Variants in ARCN1 observed in about 807,000 individuals in gnomAD.
ARCN1 encodes archain 1 coat protein complex I subunit delta.
ARCN1 carries 5 observed loss-of-function variants against 60.4 expected under a neutral mutation model. That is an observed-to-expected ratio of 0.08 (90% CI 0.04 to 0.17). The LOEUF (loss-of-function observed/expected upper bound fraction) is 0.17, where lower values mean the gene tolerates loss of function less well. ARCN1 is among the 10% of genes least tolerant of loss of function. The probability of loss-of-function intolerance (pLI) is 1.00; values close to 1 mark genes in which losing one functional copy is unlikely to be tolerated. For missense variants in ARCN1, 464 were observed against 626.5 expected, an observed-to-expected ratio of 0.74 and a Z score of 2.77; for synonymous variants, 224 against 220.0, an observed-to-expected ratio of 1.02 and a Z score of -0.16.
chr11:118,583,712 T>G (rs1938711157), intron 3 of ARCN1, 97 bp from the exon 4 acceptor site: 7 of 1,260,090 alleles, frequency 5.6e-6, no homozygotes, highest in African/African-American at 4.5e-5. Flanking sequence ...GAGCTGTGAT[T>G]GTGCCACTTG....
At chr11:118,591,889 C>T (rs1313283611) in intron 6 of ARCN1, among the ~76,000 whole-genome samples, 2 of 151,744 alleles carry the variant, frequency 1.3e-5, no homozygotes, top group African/African-American at 4.8e-5. Context: ...TGTGCACCAC[C>T]ACACCCAGCT....
chr11:118,588,386 A>G (rs544601156), intron 5 of ARCN1, among the ~76,000 whole-genome samples: 3 of 152,340 alleles, frequency 2.0e-5, no homozygotes, highest in African/African-American at 7.2e-5. Flanking sequence ...CCTGAGGCCT[A>G]AAGTGCCCCA....
At position 118,602,684 on chromosome 11, in the gene ARCN1, CTG is replaced by C. The variant is rs1414453727; in HGVS notation, c.*1972_*1973del. The C allele has an allele frequency of 6.5e-6, 1 of 153,726 alleles. No homozygotes were observed. Among genetic ancestry groups the C allele is most frequent in the African/African-American group, 2.4e-5 (1 of 41,424 alleles). The allele number at this position is 153,726 out of a possible 1,614,324, so 9.5% of individuals were successfully genotyped here. On this transcript the variant is annotated 3_prime_UTR_variant, in exon 10 of 10. Transcript: ENST00000264028. ...CTGAGAAGGGCTTGGGACAAGAAGT[CTG>C]TCATGTTAGTTAAGCAGGCAAGAAA...
intron 1 of ARCN1, 135 bp from the exon 2 acceptor site, chr11:118,581,111 C>A (rs927313535): frequency 1.7e-6 from 2 of 1,161,584 alleles, no homozygotes; most frequent in South Asian, 1.5e-5. Flanking sequence ...CAGAGTGAGA[C>A]CCTGTCTTAA....
intron 4 of ARCN1, 74 bp downstream of exon 4, chr11:118,584,088 T>C (rs1238196897): frequency 4.2e-6 from 6 of 1,424,826 alleles, no homozygotes; most frequent in Non-Finnish European, 4.8e-6. Context: ...TAATCTGATT[T>C]CTTGGAAAGC....
intron 7 of ARCN1, 129 bp downstream of exon 7, chr11:118,592,985 G>A (rs1004705105): frequency 2.2e-6 from 2 of 894,248 alleles, no homozygotes; most frequent in African/African-American, 3.3e-5. Flanking sequence ...TTTTGAAATG[G>A]ACCTGGTGCT....
chr11:118,578,797 C>A (rs1938581070), intron 1 of ARCN1, among the ~76,000 whole-genome samples: 1 of 150,106 alleles, frequency 6.7e-6, no homozygotes, highest in Admixed American at 6.7e-5. Context: ...AATCCCAGCA[C>A]TTTGGGAGGC....
At chr11:118,573,151 C>T (rs528815247) in intron 1 of ARCN1, among the ~76,000 whole-genome samples, 8 of 152,258 alleles carry the variant, frequency 5.3e-5, no homozygotes, top group African/African-American at 1.4e-4. Context: ...CCACTACTTC[C>T]GCAGAACTCA....
chr11:118,601,237 A>AT lies in ARCN1; in HGVS notation c.*527dup, dbSNP rs571147278. On this transcript the variant is annotated 3_prime_UTR_variant, in exon 10 of 10. Coordinates refer to ENST00000264028, the MANE Select transcript of ARCN1 (RefSeq NM_001655.5). ...CCACCACGCCTGGCTAATTTTTTGTATTTTAGTAGAGACGGGGTTTCACCG... is the reference window on the plus strand; with the variant it reads ...CCACCACGCCTGGCTAATTTTTTGTATTTTTAGTAGAGACGGGGTTTCACCG... 3.3e-3 allele frequency: 1,015 copies of AT among 306,192 alleles called. 10 individuals are homozygous for AT. The highest frequency in any genetic ancestry group is 0.02 in the African/African-American group (894 of 43,810). The allele number at this position is 306,192 out of a possible 1,614,324, so 19.0% of individuals were successfully genotyped here.
In ARCN1 at chr11:118,590,226, C is replaced by G. The variant is rs1350137594; in HGVS notation, c.819-115C>G. 5.6e-6 allele frequency: 4 copies of G among 720,040 alleles called. No homozygotes were observed. In the African/African-American group the frequency reaches 7.3e-5, roughly 13 times the overall value. 44.6% of individuals were successfully genotyped at this position (720,040 alleles called of 1,614,324 possible). A position where few individuals can be genotyped will look rare whatever the true frequency, so the allele number is the denominator to read the frequency against. On this transcript the variant is annotated intron_variant, in intron 5 of 9. Transcript: ENST00000264028. ...GTCAGGCTGGTCTCGAACTCCCCAC[C>G]TCAGGTGATCTGCCCGCCTTGGCCT...
intron 1 of ARCN1, among the ~76,000 whole-genome samples, chr11:118,576,920 C>A (rs1555073764): frequency 6.6e-6 from 1 of 152,120 alleles, no homozygotes; most frequent in African/African-American, 2.4e-5. Context: ...TGTGGCGGCT[C>A]ATGCCTGTAA....
Position 118,602,796 on chromosome 11 carries a change from C to T in ARCN1, c.*2082C>T, listed in dbSNP as rs572873341. 6.5e-6 allele frequency: 1 copy of T among 153,590 alleles called. No individual in the cohort carries two copies. The highest frequency in any genetic ancestry group is 1.5e-5 in the Non-Finnish European group (1 of 67,962). 9.5% of individuals were successfully genotyped at this position (153,590 alleles called of 1,614,324 possible). ...TTTAATTTCAAAAAACCTTTTTTTT[C>T]TGAGATTACTTTTGGGGTAATATTT... On this transcript the variant is annotated 3_prime_UTR_variant, in exon 10 of 10. Coordinates refer to ENST00000264028, the MANE Select transcript of ARCN1 (RefSeq NM_001655.5).
At chr11:118,586,874 A>G (rs1053184262) in intron 5 of ARCN1, among the ~76,000 whole-genome samples, 31 of 151,024 alleles carry the variant, frequency 2.1e-4, no homozygotes, top group Admixed American at 8.6e-4. Flanking sequence ...AAAAAAAAAA[A>G]TGTTGGAGAT....
chr11:118,583,444 A>G (rs985722978), intron 3 of ARCN1, 86 bp downstream of exon 3: 1 of 1,403,142 alleles, frequency 7.1e-7, no homozygotes, highest in African/African-American at 1.5e-5. Context: ...TTACTTACTA[A>G]TGTAGACTGT....
intron 1 of ARCN1, among the ~76,000 whole-genome samples, chr11:118,576,669 C>T (rs1291717437): frequency 6.6e-6 from 1 of 152,084 alleles, no homozygotes; most frequent in African/African-American, 2.4e-5. Flanking sequence ...GGTGACCATA[C>T]CTTCTAGCCA....
chr11:118,583,143 TC>T, intron 2 of ARCN1, 35 bp from the exon 3 acceptor site: 1 of 1,606,176 alleles, frequency 6.2e-7, no homozygotes, highest in Non-Finnish European at 8.5e-7. Context: ...GCTGATAAAT[TC>T]TAAATCTTTC....
intron 1 of ARCN1, among the ~76,000 whole-genome samples, chr11:118,576,142 A>G (rs879960036): frequency 6.6e-6 from 1 of 151,916 alleles, no homozygotes; most frequent in Non-Finnish European, 1.5e-5. Flanking sequence ...AAGGCAGAAC[A>G]GAAACCTAAT....
At chr11:118,577,704 C>G (rs1306111284) in intron 1 of ARCN1, among the ~76,000 whole-genome samples, 2 of 152,180 alleles carry the variant, frequency 1.3e-5, no homozygotes, top group African/African-American at 4.8e-5. Flanking sequence ...CCCTATTAAG[C>G]TTCTTGTAGG....
intron 1 of ARCN1, among the ~76,000 whole-genome samples, chr11:118,575,411 G>GGTGTGTGTGTGTGTGTGTGTGTGT (rs56934953): frequency 8.0e-5 from 12 of 149,188 alleles, no homozygotes; most frequent in African/African-American, 2.9e-4. Flanking sequence ...ACTGATAACG[G>GGTGTGTGTGTGTGTGTGTGTGTGT]GTGTGTGTGT....
Sources: gnomAD v4.1 joint callset for allele counts (sites outside exome capture counted in the v4.1 genomes callset) on GRCh38, gnomAD v4.1.1 for gene constraint, MANE v1.5 for transcripts, NCBI Gene and HGNC (gene_info 2026-07-23, HGNC 2026-07-21) for gene names.